Variants in KIF13A observed in about 807,000 individuals in gnomAD.
KIF13A encodes the protein kinesin family member 13A.
KIF13A carries 79 observed loss-of-function variants against 212.2 expected under a neutral mutation model. That is an observed-to-expected ratio of 0.37 (90% CI 0.31 to 0.45). The LOEUF (loss-of-function observed/expected upper bound fraction) is 0.45. KIF13A is among the 20% of genes least tolerant of loss of function. KIF13A has a pLI of 1.00. For synonymous variants in KIF13A, 789 were observed against 808.6 expected (o/e 0.98, Z 0.41); for missense variants, 1,901 against 2,209.0 (o/e 0.86, Z 2.79).
At chr6:17,779,738 TTGTA>T in intron 31 of KIF13A, 54 bp from the exon 32 acceptor site, 1 of 725,478 alleles carries the variant, frequency 1.4e-6, no homozygotes, top group African/African-American at 1.8e-5. Context: ...GTAAGTTATT[TTGTA>T]TTTTTTTTTT....
At position 17,787,878 on chromosome 6, in the gene KIF13A, A is replaced by G; in HGVS notation, c.3262-3T>C. The G allele has an allele frequency of 6.4e-7, 1 of 1,563,274 alleles. No individual in the cohort carries two copies. Among genetic ancestry groups the G allele is most frequent in the South Asian group, 1.1e-5 (1 of 90,032 alleles). On this transcript the variant is annotated splice_polypyrimidine_tract_variant and splice_region_variant and intron_variant, in intron 26 of 38. Transcript: ENST00000259711. This position sits in a 1 kb window ranked among gnomAD's most constrained non-coding sequence, Gnocchi z 4.6. ...CTTACGCAGTTTAAGTCTTCTTCCT[A>G]ACATCAGGGAGGGAAAATATTTTCC...
intron 2 of KIF13A, among the ~76,000 whole-genome samples, chr6:17,970,158 G>A (rs866771029): frequency 6.6e-6 from 1 of 151,898 alleles, no homozygotes; most frequent in African/African-American, 2.4e-5. Flanking sequence ...TCCTGACCTC[G>A]TGATCCGCCC....
In KIF13A at chr6:17,768,301, T is replaced by C. The variant is rs1336484251; in HGVS notation, c.4581+2813A>G. Among the ~76,000 whole-genome samples the C allele has an allele frequency of 2.0e-5, 3 of 152,252 alleles. No individual in the cohort carries two copies. The highest frequency in any genetic ancestry group is 6.5e-5 in the Admixed American group (1 of 15,286). On this transcript the variant is annotated intron_variant, in intron 38 of 38. Coordinates refer to ENST00000259711, the MANE Select transcript of KIF13A (RefSeq NM_022113.6). The surrounding 1 kb of genome is among the most constrained non-coding windows in gnomAD (Gnocchi z 5.4). ...GGAGTCAAGTTCTCAAGCTTCTCTATAGCTACAGTCTTCATCTGAGTTTTG... is the reference window on the plus strand; with the variant it reads ...GGAGTCAAGTTCTCAAGCTTCTCTACAGCTACAGTCTTCATCTGAGTTTTG...
intron 2 of KIF13A, among the ~76,000 whole-genome samples, chr6:17,916,200 G>A (rs958329624): frequency 6.6e-6 from 1 of 152,036 alleles, no homozygotes; most frequent in African/African-American, 2.4e-5. Context: ...TCTTCATTGT[G>A]GACAGCAAAC....
In KIF13A at chr6:17,937,757, T is replaced by TG. The variant is rs1377349683; in HGVS notation, c.147-39578_147-39577insC. 1.0e-4 allele frequency among the ~76,000 whole-genome samples: 14 copies of TG among 139,962 alleles called. No individual in the cohort carries two copies. In the East Asian group the frequency reaches 2.0e-3, roughly 20 times the overall value. 91.8% of individuals were successfully genotyped at this position (139,962 alleles called of 152,430 possible). A position where few individuals can be genotyped will look rare whatever the true frequency, so the allele number is the denominator to read the frequency against. Reference sequence around the variant, plus strand: ...TTCTTTCCTTTTTTGTTTTTTTTTTTTTGTTTTTTTGAGACGGAGTCTCGC... The same window carrying TG: ...TTCTTTCCTTTTTTGTTTTTTTTTTTGTTGTTTTTTTGAGACGGAGTCTCGC... On this transcript the variant is annotated intron_variant, in intron 2 of 38. Transcript: ENST00000259711.
At chr6:17,823,583 C>A (rs1292335627) in intron 16 of KIF13A, among the ~76,000 whole-genome samples, 1 of 151,820 alleles carries the variant, frequency 6.6e-6, no homozygotes, top group Admixed American at 6.6e-5. Context: ...TTCTCGTGCT[C>A]CGGCCTCCCA....
intron 2 of KIF13A, among the ~76,000 whole-genome samples, chr6:17,972,926 C>CAGTT (rs1214244242): frequency 6.6e-6 from 1 of 152,050 alleles, no homozygotes; most frequent in East Asian, 1.9e-4. Context: ...TAACAGCAGC[C>CAGTT]AGTTCATCAA....
intron 25 of KIF13A, among the ~76,000 whole-genome samples, chr6:17,791,543 T>TTAA (rs2150319839): frequency 6.6e-6 from 1 of 152,272 alleles, no homozygotes; most frequent in African/African-American, 2.4e-5. Context: ...GAAAGGCTAA[T>TTAA]ATTTTAAAGT....
chr6:17,907,350 C>T (rs1428420341), intron 2 of KIF13A, among the ~76,000 whole-genome samples: 1 of 152,114 alleles, frequency 6.6e-6, no homozygotes, highest in Non-Finnish European at 1.5e-5. Context: ...TCTCTGGCAT[C>T]AAAGAATTTG....
chr6:17,809,023 T>C lies in KIF13A; in HGVS notation c.2001-93A>G. The C allele has an allele frequency of 8.6e-7, 1 of 1,164,848 alleles. No homozygotes were observed. Among genetic ancestry groups the C allele is most frequent in the Non-Finnish European group, 1.2e-6 (1 of 850,180 alleles). 72.2% of individuals were successfully genotyped at this position (1,164,848 alleles called of 1,614,324 possible). ...ATCTTATTAGAAAATGGGAGAAAAC[T>C]CCTCTCGGGCAGTATTTTTCAAACT... On this transcript the variant is annotated intron_variant, in intron 17 of 38. Coordinates refer to ENST00000259711, the MANE Select transcript of KIF13A (RefSeq NM_022113.6). The surrounding 1 kb of genome is among the most constrained non-coding windows in gnomAD (Gnocchi z 4.7).
chr6:17,848,551 C>T (rs929925345), intron 9 of KIF13A, among the ~76,000 whole-genome samples: 1 of 139,184 alleles, frequency 7.2e-6, no homozygotes, highest in Non-Finnish European at 1.5e-5. Context: ...AATTAAAACT[C>T]GTACATCTTT....
At chr6:17,831,051 A>G in intron 13 of KIF13A, 50 bp downstream of exon 13, 1 of 1,540,352 alleles carries the variant, frequency 6.5e-7, no homozygotes, top group Non-Finnish European at 8.8e-7. Flanking sequence ...TCAACTACGA[A>G]CTGTATAGGA....
intron 2 of KIF13A, among the ~76,000 whole-genome samples, chr6:17,913,491 C>G (rs1429325506): frequency 6.6e-6 from 1 of 152,160 alleles, no homozygotes; most frequent in East Asian, 1.9e-4. Context: ...AATGGAAGAA[C>G]TTCACCATTA....
At chr6:17,780,501 T>C (rs1401323743) in intron 31 of KIF13A, among the ~76,000 whole-genome samples, 1 of 152,232 alleles carries the variant, frequency 6.6e-6, no homozygotes, top group African/African-American at 2.4e-5. Flanking sequence ...CACTGCCTGG[T>C]AGGATTACAC....
At chr6:17,969,915 T>C (rs558529583) in intron 2 of KIF13A, among the ~76,000 whole-genome samples, 4 of 151,174 alleles carry the variant, frequency 2.6e-5, no homozygotes, top group African/African-American at 9.6e-5. Context: ...CCTGTGTATT[T>C]ACTTGTGTTT....
chr6:17,911,401 A>C (rs9477556), intron 2 of KIF13A, among the ~76,000 whole-genome samples: 79,324 of 152,064 alleles, frequency 0.52, 21,966 homozygotes, highest in Non-Finnish European at 0.62. Context: ...TGAGTTACCA[A>C]CCTCTCCTGA....
At chr6:17,907,061 G>A (rs1327461274) in intron 2 of KIF13A, among the ~76,000 whole-genome samples, 1 of 152,158 alleles carries the variant, frequency 6.6e-6, no homozygotes, top group East Asian at 1.9e-4. Flanking sequence ...TGAAATGGAT[G>A]ATCATTACTT....
intron 3 of KIF13A, among the ~76,000 whole-genome samples, chr6:17,889,216 A>G (rs1424303850): frequency 6.6e-6 from 1 of 152,214 alleles, no homozygotes; most frequent in Non-Finnish European, 1.5e-5. Flanking sequence ...TCATAAAGGC[A>G]GGTTTTTGGT....
intron 14 of KIF13A, among the ~76,000 whole-genome samples, chr6:17,827,298 T>C (rs1364140250): frequency 3.3e-5 from 5 of 151,822 alleles, no homozygotes; most frequent in Non-Finnish European, 7.4e-5. Context: ...GGTTTCGCCA[T>C]GTTGCTCAGG....
Sources: allele counts gnomAD v4.1 joint callset (sites outside exome capture counted in the v4.1 genomes callset), GRCh38; gene constraint gnomAD v4.1.1; non-coding constraint Gnocchi (gnomAD v3.1); transcripts MANE v1.5; gene names NCBI Gene and HGNC (gene_info 2026-07-23, HGNC 2026-07-21).